CNTN5: variants seen among roughly 807,000 people sequenced by gnomAD.
CNTN5 encodes contactin 5, also known as contactin-5.
CNTN5 carries 77 observed loss-of-function variants against 129.1 expected under a neutral mutation model. That is an observed-to-expected ratio of 0.60 (90% CI 0.50 to 0.72). The LOEUF (loss-of-function observed/expected upper bound fraction) is 0.72, where lower values mean the gene tolerates loss of function less well. CNTN5 is among the 30% of genes least tolerant of loss of function. The pLI is 0.00. For missense variants in CNTN5, 1,478 were observed against 1,328.8 expected, an observed-to-expected ratio of 1.11 and a Z score of -1.75; for synonymous variants, 509 against 465.6, an observed-to-expected ratio of 1.09 and a Z score of -1.20.
At chr11:99,223,680 C>T (rs1860523558) in intron 1 of CNTN5, among the ~76,000 whole-genome samples, 1 of 152,140 alleles carries the variant, frequency 6.6e-6, no homozygotes, top group Admixed American at 6.5e-5. Context: ...TAGAAGTCCC[C>T]ATTATTCCAG....
intron 3 of CNTN5, among the ~76,000 whole-genome samples, chr11:99,647,426 T>C (rs1323853665): frequency 6.6e-6 from 1 of 152,120 alleles, no homozygotes; most frequent in East Asian, 1.9e-4. Context: ...TAGTATGCTG[T>C]TTTGTTTACT....
intron 8 of CNTN5, among the ~76,000 whole-genome samples, chr11:99,973,819 A>C (rs1270263333): frequency 1.3e-5 from 2 of 152,224 alleles, no homozygotes; most frequent in Non-Finnish European, 2.9e-5. Context: ...TGTAATATTT[A>C]GAAGTGTTTC....
chr11:99,408,413 G>C (rs1176306055), intron 2 of CNTN5, among the ~76,000 whole-genome samples: 1 of 104,240 alleles, frequency 9.6e-6, no homozygotes, highest in Non-Finnish European at 2.0e-5. Context: ...GAGAGAGAAA[G>C]AAAGGAAGGA....
At chr11:99,994,347 G>T (rs896327518) in intron 8 of CNTN5, among the ~76,000 whole-genome samples, 18 of 152,036 alleles carry the variant, frequency 1.2e-4, no homozygotes, top group African/African-American at 3.9e-4. Flanking sequence ...TTAATAAAAA[G>T]AATACTAAAG....
intron 18 of CNTN5, among the ~76,000 whole-genome samples, chr11:100,286,266 G>A (rs1389953082): frequency 6.6e-6 from 1 of 152,212 alleles, no homozygotes; most frequent in African/African-American, 2.4e-5. Flanking sequence ...AGCTCAAGGA[G>A]GCCAGCCTGC....
At chr11:100,185,426 A>G (rs866439035) in intron 13 of CNTN5, among the ~76,000 whole-genome samples, 1 of 152,064 alleles carries the variant, frequency 6.6e-6, no homozygotes, top group African/African-American at 2.4e-5. Flanking sequence ...TAAGAACTAC[A>G]TCAGTGGGCT....
intron 1 of CNTN5, among the ~76,000 whole-genome samples, chr11:99,115,966 G>A (rs1479792427): frequency 6.6e-6 from 1 of 152,060 alleles, no homozygotes; most frequent in Non-Finnish European, 1.5e-5. Flanking sequence ...AAGAGGTTTG[G>A]TGAAAAAATA....
chr11:100,217,551 C>A (rs1016343686), intron 15 of CNTN5, among the ~76,000 whole-genome samples: 1 of 152,172 alleles, frequency 6.6e-6, no homozygotes, highest in African/African-American at 2.4e-5. Flanking sequence ...CAAGCTAATG[C>A]ATAAATGTAC....
chr11:100,285,819 G>A (rs1383306851), intron 18 of CNTN5, among the ~76,000 whole-genome samples: 2 of 152,188 alleles, frequency 1.3e-5, no homozygotes, highest in African/African-American at 2.4e-5. Flanking sequence ...GAAGACGGGT[G>A]ATTTCTGCAT....
At chr11:99,328,889 G>GA (rs1330436386) in intron 2 of CNTN5, among the ~76,000 whole-genome samples, 17 of 99,278 alleles carry the variant, frequency 1.7e-4, no homozygotes, top group African/African-American at 6.2e-4. Context: ...AAAAAAAAAA[G>GA]AAAAAAAACA....
chr11:99,348,348 A>C (rs557698586), intron 2 of CNTN5, among the ~76,000 whole-genome samples: 1 of 152,322 alleles, frequency 6.6e-6, no homozygotes, highest in Non-Finnish European at 1.5e-5. Flanking sequence ...CCCCCAAAAA[A>C]ATACACTAGA....
intron 13 of CNTN5, among the ~76,000 whole-genome samples, chr11:100,176,776 T>G (rs1555030701): frequency 6.6e-6 from 1 of 152,046 alleles, no homozygotes; most frequent in Non-Finnish European, 1.5e-5. Flanking sequence ...ATACTTGCTT[T>G]TAATTCTAAT....
intron 3 of CNTN5, among the ~76,000 whole-genome samples, chr11:99,726,031 C>T (rs996030947): frequency 6.6e-6 from 1 of 152,210 alleles, no homozygotes; most frequent in African/African-American, 2.4e-5. Context: ...GTAGCCAACT[C>T]TAAGGCACAC....
intron 1 of CNTN5, among the ~76,000 whole-genome samples, chr11:99,235,508 A>G (rs1350770273): frequency 6.6e-6 from 1 of 152,118 alleles, no homozygotes; most frequent in Non-Finnish European, 1.5e-5. Flanking sequence ...CTATTCAAGT[A>G]TTTTTGAATT....
At chr11:99,470,920 T>C (rs2135273808) in intron 2 of CNTN5, among the ~76,000 whole-genome samples, 1 of 152,188 alleles carries the variant, frequency 6.6e-6, no homozygotes, top group Non-Finnish European at 1.5e-5. Flanking sequence ...AAGTAAAAAG[T>C]TAGGTAGATC....
chr11:99,440,233 G>T (rs1018637434), intron 2 of CNTN5, among the ~76,000 whole-genome samples: 14 of 151,902 alleles, frequency 9.2e-5, no homozygotes, highest in Non-Finnish European at 1.6e-4. Flanking sequence ...AGTTTATTGG[G>T]ATACTGCTGA....
intron 3 of CNTN5, among the ~76,000 whole-genome samples, chr11:99,752,611 T>C (rs997254067): frequency 1.3e-5 from 2 of 152,248 alleles, no homozygotes; most frequent in Admixed American, 6.5e-5. Flanking sequence ...TGTTTTCCAT[T>C]CATGTTATTA....
intron 18 of CNTN5, among the ~76,000 whole-genome samples, chr11:100,293,129 C>A (rs1459390562): frequency 6.6e-6 from 1 of 151,794 alleles, no homozygotes; most frequent in African/African-American, 2.4e-5. Context: ...CCCTTTTTAG[C>A]AACAAATCTT....
chr11:99,337,024 G>A (rs1410683752), intron 2 of CNTN5, among the ~76,000 whole-genome samples: 2 of 151,950 alleles, frequency 1.3e-5, no homozygotes, highest in East Asian at 1.9e-4. Flanking sequence ...CACATACAGA[G>A]TATTTCTTCA....
Sources: gnomAD v4.1 joint callset for allele counts (sites outside exome capture counted in the v4.1 genomes callset) on GRCh38, gnomAD v4.1.1 for gene constraint, MANE v1.5 for transcripts, NCBI Gene and HGNC (gene_info 2026-07-23, HGNC 2026-07-21) for gene names.